OR6C74: variants seen among roughly 807,000 people sequenced by gnomAD.
OR6C74 encodes the protein olfactory receptor family 6 subfamily C member 74, also known as olfactory receptor 6C74.
For missense variants in OR6C74, 361 were observed against 362.9 expected, an observed-to-expected ratio of 0.99 and a Z score of 0.04; for synonymous variants, 142 against 134.2, an observed-to-expected ratio of 1.06 and a Z score of -0.40.
intron 1 of OR6C74, among the ~76,000 whole-genome samples, chr12:55,245,682 T>C (rs1954266018): frequency 6.6e-6 from 1 of 152,144 alleles, no homozygotes; most frequent in African/African-American, 2.4e-5. Context: ...TTGCTTGTTA[T>C]TTTTATATTT....
chr12:55,252,782 T>C lies in OR6C74; in HGVS notation c.*4556T>C, dbSNP rs1954319481. 6.6e-6 allele frequency among the ~76,000 whole-genome samples: 1 copy of C among 152,022 alleles called. No individual in the cohort carries two copies. Reference sequence around the variant, plus strand: ...TCATAGGGAAGGGAAAACTAGGCTATGTCTACTTATAAAATAAAATTCCAT... The same window carrying C: ...TCATAGGGAAGGGAAAACTAGGCTACGTCTACTTATAAAATAAAATTCCAT... On this transcript the variant is annotated 3_prime_UTR_variant, in exon 2 of 2. Coordinates refer to ENST00000343399, the MANE Select transcript of OR6C74 (RefSeq NM_001005490.2).
In OR6C74 at chr12:55,255,861, A is replaced by T. The variant is rs1433347664; in HGVS notation, c.*7635A>T. On this transcript the variant is annotated 3_prime_UTR_variant, in exon 2 of 2. Coordinates refer to ENST00000343399, the MANE Select transcript of OR6C74 (RefSeq NM_001005490.2). Reference sequence around the variant, plus strand: ...TATTCTGGTAGAGATAAATTTATAGAGAAAGTAACATATCAGTGGTTGCCA... The same window carrying T: ...TATTCTGGTAGAGATAAATTTATAGTGAAAGTAACATATCAGTGGTTGCCA... Among the ~76,000 whole-genome samples the T allele has an allele frequency of 6.6e-6, 1 of 152,166 alleles. No individual in the cohort carries two copies. Among genetic ancestry groups the T allele is most frequent in the African/African-American group, 2.4e-5 (1 of 41,444 alleles).
rs970343032 is a variant in OR6C74, at chr12:55,249,756, T to G, written c.*1530T>G. ...GCTTTCTTTGCATCAGGAATTTAAG[T>G]TTTTTTTTATTATTATACTTTAAGT... On this transcript the variant is annotated 3_prime_UTR_variant, in exon 2 of 2. Transcript: ENST00000343399. Among the ~76,000 whole-genome samples, 8 of 151,120 alleles carry G rather than the reference T, an allele frequency of 5.3e-5. No individual in the cohort carries two copies. Among genetic ancestry groups the G allele is most frequent in the Non-Finnish European group, 1.0e-4 (7 of 67,850 alleles).
chr12:55,246,758 G>T (rs959558870), intron 1 of OR6C74, among the ~76,000 whole-genome samples: 1 of 152,128 alleles, frequency 6.6e-6, no homozygotes, highest in African/African-American at 2.4e-5. Flanking sequence ...TTTGGTGAGG[G>T]TATTGAATTC....
rs1954337691 is a variant in OR6C74, at chr12:55,255,468, AT to A, written c.*7244del. Among the ~76,000 whole-genome samples, 1 of 151,982 alleles carries A rather than the reference AT, an allele frequency of 6.6e-6. No individual in the cohort carries two copies. On this transcript the variant is annotated 3_prime_UTR_variant, in exon 2 of 2. Coordinates refer to ENST00000343399, the MANE Select transcript of OR6C74 (RefSeq NM_001005490.2). ...GTATATACCCAAAGGATTATAAATCATTCTACTATAAAGACACATGCACACA... is the reference window on the plus strand; with the variant it reads ...GTATATACCCAAAGGATTATAAATCATCTACTATAAAGACACATGCACACA...
rs993105777 is a variant in OR6C74 at position 55,249,560 on chromosome 12, A to C, written c.*1334A>C. Among the ~76,000 whole-genome samples, 1 of 152,080 alleles carries C rather than the reference A, an allele frequency of 6.6e-6. No individual in the cohort carries two copies. The highest frequency in any genetic ancestry group is 2.4e-5 in the African/African-American group (1 of 41,456). ...AGTGAGAAGCTTTAAATATATATATATCTAAATAAATATTAACAGGGCACT... is the reference window on the plus strand; with the variant it reads ...AGTGAGAAGCTTTAAATATATATATCTCTAAATAAATATTAACAGGGCACT... On this transcript the variant is annotated 3_prime_UTR_variant, in exon 2 of 2. Transcript: ENST00000343399.
chr12:55,251,438 C>A lies in OR6C74; in HGVS notation c.*3212C>A, dbSNP rs1954310544. On this transcript the variant is annotated 3_prime_UTR_variant, in exon 2 of 2. Coordinates refer to ENST00000343399, the MANE Select transcript of OR6C74 (RefSeq NM_001005490.2). ...GTTTTCTACATTCTCTTCATCCAAG[C>A]CGGTGCCTAGTAAGGAATAAATAAA... Among the ~76,000 whole-genome samples, 1 of 151,850 alleles carries A rather than the reference C, an allele frequency of 6.6e-6. No homozygotes were observed. The highest frequency in any genetic ancestry group is 1.5e-5 in the Non-Finnish European group (1 of 67,928).
At position 55,255,618 on chromosome 12, in the gene OR6C74, C is replaced by T. The variant is rs979174736; in HGVS notation, c.*7392C>T. ...CCATGGAACACTATAAAATATACATCCATAAAAAACGATGAGTTCATATCC... is the reference window on the plus strand; with the variant it reads ...CCATGGAACACTATAAAATATACATTCATAAAAAACGATGAGTTCATATCC... On this transcript the variant is annotated 3_prime_UTR_variant, in exon 2 of 2. Coordinates refer to ENST00000343399, the MANE Select transcript of OR6C74 (RefSeq NM_001005490.2). Among the ~76,000 whole-genome samples, 7 of 152,018 alleles carry T rather than the reference C, an allele frequency of 4.6e-5. No homozygotes were observed. The highest frequency in any genetic ancestry group is 8.8e-5 in the Non-Finnish European group (6 of 68,006).
rs544555903 is a variant in OR6C74 at position 55,256,014 on chromosome 12, T to C, written c.*7788T>C. Reference sequence around the variant, plus strand: ...GGGAGACCCCCTGAAACTATTGCTATGGAATAAAAGGTGAAATGCTCCTGA... The same window carrying C: ...GGGAGACCCCCTGAAACTATTGCTACGGAATAAAAGGTGAAATGCTCCTGA... On this transcript the variant is annotated 3_prime_UTR_variant, in exon 2 of 2. Transcript: ENST00000343399. Among the ~76,000 whole-genome samples the C allele has an allele frequency of 1.3e-4, 20 of 151,960 alleles. No individual in the cohort carries two copies. The highest frequency in any genetic ancestry group is 4.1e-4 in the African/African-American group (17 of 41,418).
chr12:55,247,915 G>C lies in OR6C74; in HGVS notation c.628G>C (p.Val210Leu), dbSNP rs192400870. The C allele has an allele frequency of 1.9e-6, 3 of 1,613,890 alleles. No individual in the cohort carries two copies. The Admixed American group carries it at 5.0e-5, about 27-fold the overall frequency. ...SAILTLLVTL[V>L]LVILSYTNII... The stretch of plus-strand genomic sequence containing the variant: ...CATTTTGACGCTCCTGGTTACACTG[G>C]TATTAGTGATTCTCTCCTACACAAA... The change falls in exon 2 of 2, where the codon GTA becomes CTA. Residue 210 changes from valine (V) to leucine (L), a missense_variant. Coordinates refer to ENST00000343399, the MANE Select transcript of OR6C74 (RefSeq NM_001005490.2).
At chr12:55,247,147 T>C (rs973028994) in intron 1 of OR6C74, 132 bp from the exon 2 acceptor site, 2 of 507,872 alleles carry the variant, frequency 3.9e-6, no homozygotes, top group Non-Finnish European at 6.8e-6. Flanking sequence ...CATAAGTTAA[T>C]TTTTATAGGC....
rs765978540 is a variant in OR6C74 at position 55,247,832 on chromosome 12, T to C, written c.545T>C (p.Ile182Thr). The C allele has an allele frequency of 6.2e-7, 1 of 1,614,082 alleles. No homozygotes were observed. Among genetic ancestry groups the C allele is most frequent in the Non-Finnish European group, 8.5e-7 (1 of 1,179,986 alleles). ...VDHFFCDVSPILQLSCTDTDI... is the reference protein window; with the variant it reads ...VDHFFCDVSPTLQLSCTDTDI... ...CATTTCTTCTGTGATGTTTCTCCTA[T>C]ACTGCAGCTCTCTTGCACAGACACT... Residue 182 changes from isoleucine (I) to threonine (T), a missense_variant, in exon 2 of 2, where the codon ATA becomes ACA. Ile to Thr is a moderately conservative substitution (Grantham distance 89). Transcript: ENST00000343399.
chr12:55,249,060 A>G lies in OR6C74; in HGVS notation c.*834A>G, dbSNP rs564190888. Among the ~76,000 whole-genome samples the G allele has an allele frequency of 9.8e-5, 15 of 152,302 alleles. No homozygotes were observed. The East Asian group carries it at 2.5e-3, about 25-fold the overall frequency. ...CTCACCGCTTACACATTTTTAGCAA[A>G]ACGAAGTGAAAATCTCTCTCTGCTC... On this transcript the variant is annotated 3_prime_UTR_variant, in exon 2 of 2. Coordinates refer to ENST00000343399, the MANE Select transcript of OR6C74 (RefSeq NM_001005490.2).
chr12:55,248,385 C>T lies in OR6C74; in HGVS notation c.*159C>T. Reference sequence around the variant, plus strand: ...AATCTCCAAAGCCTAACCTTCACTGCCATTTCTCCCTCATGCTGAGATCAC... The same window carrying T: ...AATCTCCAAAGCCTAACCTTCACTGTCATTTCTCCCTCATGCTGAGATCAC... On this transcript the variant is annotated 3_prime_UTR_variant, in exon 2 of 2. Transcript: ENST00000343399. The T allele has an allele frequency of 1.8e-6, 1 of 571,406 alleles. No homozygotes were observed. 35.4% of individuals were successfully genotyped at this position (571,406 alleles called of 1,614,324 possible).
rs1565648609 is a variant in OR6C74, at chr12:55,252,515, A to T, written c.*4289A>T. ...ACAAATGTTTTAAAATATTAAAATG[A>T]TTATGTTTTCAAGTTTTCTAATGAG... On this transcript the variant is annotated 3_prime_UTR_variant, in exon 2 of 2. Transcript: ENST00000343399. Among the ~76,000 whole-genome samples the T allele has an allele frequency of 6.6e-6, 1 of 151,914 alleles. No individual in the cohort carries two copies. Among genetic ancestry groups the T allele is most frequent in the African/African-American group, 2.4e-5 (1 of 41,408 alleles).
At position 55,248,231 on chromosome 12, in the gene OR6C74, C is replaced by T. The variant is rs1954289932; in HGVS notation, c.*5C>T. On this transcript the variant is annotated 3_prime_UTR_variant, in exon 2 of 2. Transcript: ENST00000343399. ...GAACTTTTCTCAATGAAATGAATCA[C>T]TTTAACGATATTATTAAGGTTATTA... is the stretch of plus-strand genomic sequence containing the variant. The T allele has an allele frequency of 3.2e-6, 5 of 1,550,160 alleles. No individual in the cohort carries two copies. Among genetic ancestry groups the T allele is most frequent in the South Asian group, 1.1e-5 (1 of 87,580 alleles).
chr12:55,249,169 C>A lies in OR6C74; in HGVS notation c.*943C>A, dbSNP rs540026050. Among the ~76,000 whole-genome samples the A allele has an allele frequency of 4.0e-4, 61 of 152,102 alleles. No homozygotes were observed. Among genetic ancestry groups the A allele is most frequent in the African/African-American group, 1.5e-3 (61 of 41,424 alleles). Reference sequence around the variant, plus strand: ...ATGGATGTCATAGATAAAATTAAGACCTTACAGCTCCACAGAGTACCTTAT... The same window carrying A: ...ATGGATGTCATAGATAAAATTAAGAACTTACAGCTCCACAGAGTACCTTAT... On this transcript the variant is annotated 3_prime_UTR_variant, in exon 2 of 2. Transcript: ENST00000343399.
At position 55,251,934 on chromosome 12, in the gene OR6C74, A is replaced by C. The variant is rs1159756295; in HGVS notation, c.*3708A>C. Among the ~76,000 whole-genome samples, 1 of 151,744 alleles carries C rather than the reference A, an allele frequency of 6.6e-6. No homozygotes were observed. Among genetic ancestry groups the C allele is most frequent in the Non-Finnish European group, 1.5e-5 (1 of 67,778 alleles). ...CAAATATTAAGATTACTGTGTTCTC[A>C]AAAATTATGGACTTGCTTTTCTTTT... On this transcript the variant is annotated 3_prime_UTR_variant, in exon 2 of 2. Coordinates refer to ENST00000343399, the MANE Select transcript of OR6C74 (RefSeq NM_001005490.2).
In OR6C74 at chr12:55,248,248, A is replaced by G; in HGVS notation, c.*22A>G. 1 of 1,461,190 alleles carries G rather than the reference A, an allele frequency of 6.8e-7. No individual in the cohort carries two copies. The highest frequency in any genetic ancestry group is 9.4e-7 in the Non-Finnish European group (1 of 1,060,498). The allele number at this position is 1,461,190 out of a possible 1,614,324, so 90.5% of individuals were successfully genotyped here. ...ATGAATCACTTTAACGATATTATTA[A>G]GGTTATTAGTAAAATAAAACAAGAA... On this transcript the variant is annotated 3_prime_UTR_variant, in exon 2 of 2. Coordinates refer to ENST00000343399, the MANE Select transcript of OR6C74 (RefSeq NM_001005490.2).
Sources: allele counts gnomAD v4.1 joint callset (sites outside exome capture counted in the v4.1 genomes callset), GRCh38; gene constraint gnomAD v4.1.1; transcripts MANE v1.5; gene names NCBI Gene and HGNC (gene_info 2026-07-23, HGNC 2026-07-21).